The following SYNM variants were observed in gnomAD, a reference collection of about 807,000 sequenced individuals.
The protein encoded by SYNM is desmuslin.
A neutral mutation model predicts 104.0 loss-of-function variants in SYNM; 95 were observed. The observed-to-expected ratio is 0.91, with a 90% CI of 0.77 to 1.08. The LOEUF is 1.08. Among genes scored for constraint, SYNM ranks in the 50% least tolerant of loss-of-function variants. SYNM has a pLI of 0.00. For synonymous variants in SYNM, 918 were observed against 869.0 expected (o/e 1.06, Z -0.99); for missense variants, 2,150 against 2,052.2 (o/e 1.05, Z -0.92).
In SYNM at chr15:99,132,281, C is replaced by T. The variant is rs782419139; in HGVS notation, c.3921C>T (p.Ser1307=). 12 of 1,608,010 alleles carry T rather than the reference C, an allele frequency of 7.5e-6. No homozygotes were observed. The highest frequency in any genetic ancestry group is 8.5e-7 in the Non-Finnish European group (1 of 1,175,722). ...HMEGLPGSST[S]IRHISIGPQR... ...AAGGGTTGCCAGGGAGCAGCACATC[C>T]ATCAGGCACATCAGCATTGGGCCTC... Residue 1307 remains serine, a synonymous_variant, in exon 4 of 4, where the codon TCC becomes TCT. Coordinates refer to ENST00000336292, the MANE Select transcript of SYNM (RefSeq NM_145728.3).
chr15:99,140,632 A>G, the SYNM span: 1 of 152,224 alleles, frequency 6.6e-6, no homozygotes, highest in East Asian at 1.9e-4. Flanking sequence ...GGCCTCCCAA[A>G]GTGCGGGGAT....
At chr15:99,137,952 T>A, downstream of SYNM, 1 of 1,608,564 alleles carries the variant, frequency 6.2e-7, no homozygotes, top group Non-Finnish European at 8.5e-7. Context: ...AGGTGATTTG[T>A]ACAGCACCCT....
intron 2 of SYNM, among the ~76,000 whole-genome samples, chr15:99,126,112 G>C (rs1191922427): frequency 6.6e-6 from 1 of 152,168 alleles, no homozygotes; most frequent in Admixed American, 6.5e-5. Context: ...GGCTACTGAC[G>C]GGGGGCGCTT....
intron 1 of SYNM, among the ~76,000 whole-genome samples, chr15:99,107,028 A>C (rs1383828726): frequency 6.6e-6 from 1 of 152,248 alleles, no homozygotes; most frequent in Non-Finnish European, 1.5e-5. Flanking sequence ...TCCACAGGTG[A>C]TGAGTAAATA....
chr15:99,132,479 A>G lies in SYNM; in HGVS notation c.4119A>G (p.Gln1373=). Residue 1373 remains glutamine, a synonymous_variant, in exon 4 of 4, where the codon CAA becomes CAG. Transcript: ENST00000336292. The part of the protein sequence containing the change: ...QTVMTEKSTF[Q]SVVSESPQED... Reference sequence around the variant, plus strand: ...TTATGACTGAAAAGAGCACCTTCCAAAGTGTCGTTTCTGAATCTCCCCAGG... The same window carrying G: ...TTATGACTGAAAAGAGCACCTTCCAGAGTGTCGTTTCTGAATCTCCCCAGG... The G allele has an allele frequency of 1.2e-6, 2 of 1,614,032 alleles. No homozygotes were observed. The highest frequency in any genetic ancestry group is 1.7e-6 in the Non-Finnish European group (2 of 1,179,898).
At chr15:99,115,407 ATT>A (rs145426507) in intron 2 of SYNM, among the ~76,000 whole-genome samples, 4 of 146,222 alleles carry the variant, frequency 2.7e-5, no homozygotes, top group Non-Finnish European at 1.5e-5. Context: ...TCTGATCATG[ATT>A]TTTTTTTTCA....
rs1555485608 is a variant in SYNM at position 99,130,458 on chromosome 15, G to C, written c.2098G>C (p.Asp700His). 4 of 1,613,886 alleles carry C rather than the reference G, an allele frequency of 2.5e-6. No individual in the cohort carries two copies. Among genetic ancestry groups the C allele is most frequent in the Admixed American group, 1.7e-5 (1 of 60,026 alleles). Residue 700 changes from aspartate to histidine, a missense_variant, in exon 4 of 4, where the codon GAT becomes CAT. Coordinates refer to ENST00000336292, the MANE Select transcript of SYNM (RefSeq NM_145728.3). ...ACTGACTGAGGATGTTGATGTTTCC[G>C]ATGAAGCTGGCCTGGACTACCTTTT... ...SKLTEDVDVS[D>H]EAGLDYLLSK...
In SYNM at chr15:99,133,339, A is replaced by T. The variant is rs1037659785; in HGVS notation, c.*281A>T. ...TCTCCACTTCTGGAGATGAATTTCT[A>T]TGTTTTGCACCTGGTCACAGACATG... On this transcript the variant is annotated 3_prime_UTR_variant, in exon 4 of 4. Coordinates refer to ENST00000336292, the MANE Select transcript of SYNM (RefSeq NM_145728.3). The T allele has an allele frequency of 2.3e-6, 1 of 438,470 alleles. No homozygotes were observed. 27.2% of individuals were successfully genotyped at this position (438,470 alleles called of 1,614,324 possible).
At position 99,113,694 on chromosome 15, in the gene SYNM, G is replaced by C; in HGVS notation, c.914G>C (p.Ser305Thr). The C allele has an allele frequency of 1.9e-6, 3 of 1,613,504 alleles. No individual in the cohort carries two copies. Among genetic ancestry groups the C allele is most frequent in the Non-Finnish European group, 8.5e-7 (1 of 1,179,724 alleles). ...QDLLQVKTGL[S>T]LEVATYRALL... ...CTCCTGCAGGTGAAGACCGGCCTCA[G>C]TCTGGAGGTGGCGACCTACCGGTAA... is the stretch of plus-strand genomic sequence containing the variant. Residue 305 changes from serine (S) to threonine (T), a missense_variant, in exon 2 of 4, where the codon AGT becomes ACT. Coordinates refer to ENST00000336292, the MANE Select transcript of SYNM (RefSeq NM_145728.3).
At chr15:99,139,317 G>A (rs202004274), downstream of SYNM, 9 of 1,612,284 alleles carry the variant, frequency 5.6e-6, no homozygotes, top group East Asian at 2.2e-5. Flanking sequence ...GCCAACTCAC[G>A]TGGACAGCAT....
In SYNM at chr15:99,133,091, G is replaced by T. The variant is rs782593352; in HGVS notation, c.*33G>T. The T allele has an allele frequency of 6.9e-5, 110 of 1,603,706 alleles. No individual in the cohort carries two copies. Among genetic ancestry groups the T allele is most frequent in the Admixed American group, 1.5e-4 (9 of 59,608 alleles). ...AAACATTTTGTTTTAATGGCAGCCT[G>T]TTGGCGACGTGCCAACATCCAAAGG... On this transcript the variant is annotated 3_prime_UTR_variant, in exon 4 of 4. Coordinates refer to ENST00000336292, the MANE Select transcript of SYNM (RefSeq NM_145728.3).
Position 99,105,380 on chromosome 15 carries a change from G to C in SYNM, c.181G>C (p.Ala61Pro). The C allele has an allele frequency of 2.0e-6, 3 of 1,518,496 alleles. No individual in the cohort carries two copies. Among genetic ancestry groups the C allele is most frequent in the Non-Finnish European group, 1.8e-6 (2 of 1,138,956 alleles). The allele number at this position is 1,518,496 out of a possible 1,614,324, so 94.1% of individuals were successfully genotyped here. Reference protein sequence around the residue: ...GLWAEGQARCAEEARSLRQQL... With the variant: ...GLWAEGQARCPEEARSLRQQL... ...GTGGGCCGAGGGGCAGGCCCGCTGCGCCGAGGAGGCGCGCAGCTTGCGGCA... is the reference window on the plus strand; with the variant it reads ...GTGGGCCGAGGGGCAGGCCCGCTGCCCCGAGGAGGCGCGCAGCTTGCGGCA... Residue 61 changes from alanine to proline, a missense_variant, in exon 1 of 4, where the codon GCC becomes CCC. Coordinates refer to ENST00000336292, the MANE Select transcript of SYNM (RefSeq NM_145728.3).
downstream of SYNM, chr15:99,139,194 G>T (rs561096984): frequency 6.8e-5 from 86 of 1,258,456 alleles, no homozygotes; most frequent in African/African-American, 1.0e-3. Flanking sequence ...CTTTATGCAA[G>T]TTATGGGAAG....
chr15:99,116,714 C>G (rs2067353342), intron 2 of SYNM, among the ~76,000 whole-genome samples: 2 of 142,376 alleles, frequency 1.4e-5, no homozygotes, highest in Non-Finnish European at 3.1e-5. Context: ...GTCACCCAGG[C>G]TGGAGTGTGG....
At chr15:99,117,466 G>A (rs2067360285) in intron 2 of SYNM, among the ~76,000 whole-genome samples, 1 of 152,230 alleles carries the variant, frequency 6.6e-6, no homozygotes, top group South Asian at 2.1e-4. Flanking sequence ...ATCAGGCACT[G>A]TTCTAGGGCA....
Position 99,105,924 on chromosome 15 carries a change from T to C in SYNM, c.725T>C (p.Leu242Pro). Residue 242 changes from leucine (L) to proline (P), a missense_variant, in exon 1 of 4, where the codon CTC (leucine) becomes CCC (proline). Physicochemically the swap from Leu to Pro is moderately conservative, Grantham distance 98. Transcript: ENST00000336292. The part of the protein sequence containing the change: ...QEAEALRREA[L>P]GLEQLRARLE... ...GCAGAGGCGCTGCGGCGCGAGGCGC[T>C]CGGGTTGGAGCAGCTGCGCGCGCGG... The C allele has an allele frequency of 6.5e-7, 1 of 1,528,206 alleles. No individual in the cohort carries two copies. The highest frequency in any genetic ancestry group is 8.7e-7 in the Non-Finnish European group (1 of 1,143,262). The allele number at this position is 1,528,206 out of a possible 1,614,324, so 94.7% of individuals were successfully genotyped here.
intron 2 of SYNM, among the ~76,000 whole-genome samples, chr15:99,123,752 C>T (rs1395759684): frequency 6.6e-5 from 10 of 152,274 alleles, no homozygotes; most frequent in Non-Finnish European, 1.2e-4. Flanking sequence ...CCAGCAGGCT[C>T]CCGCACAGAC....
downstream of SYNM, chr15:99,139,173 AG>A (rs2067913920): frequency 9.8e-7 from 1 of 1,022,218 alleles, no homozygotes; most frequent in Non-Finnish European, 1.5e-6. Flanking sequence ...CGGGTTTCAA[AG>A]GAACTTGTCC....
chr15:99,130,377 A>T lies in SYNM; in HGVS notation c.2017A>T (p.Arg673Trp). The change falls in exon 4 of 4, where the codon AGG (arginine) becomes TGG (tryptophan). Residue 673 changes from arginine to tryptophan, a missense_variant. Transcript: ENST00000336292. ...FPDTKVTYVD[R>W]KELPGERKTK... ...AGACACAAAAGTCACTTACGTGGAC[A>T]GGAAAGAGCTTCCTGGGGAAAGGAA... The T allele has an allele frequency of 6.2e-7, 1 of 1,613,754 alleles. No homozygotes were observed. Among genetic ancestry groups the T allele is most frequent in the Non-Finnish European group, 8.5e-7 (1 of 1,179,780 alleles).
Sources: allele counts gnomAD v4.1 joint callset (sites outside exome capture counted in the v4.1 genomes callset), GRCh38; gene constraint gnomAD v4.1.1; transcripts MANE v1.5; gene names NCBI Gene and HGNC (gene_info 2026-07-23, HGNC 2026-07-21).